The following SLC25A3 variants were observed in gnomAD, a reference collection of about 807,000 sequenced individuals.
SLC25A3 encodes solute carrier family 25 member 3.
Under a neutral mutation model 37.1 loss-of-function variants are expected in SLC25A3, and 14 were observed. The ratio of observed to expected loss-of-function variants is 0.38; its 90% confidence interval spans 0.25 to 0.59. The LOEUF (loss-of-function observed/expected upper bound fraction) is 0.59, where lower values mean the gene tolerates loss of function less well. Among genes scored for constraint, SLC25A3 ranks in the 20% least tolerant of loss-of-function variants. SLC25A3 has a pLI of 0.67. For missense variants in SLC25A3, 385 were observed against 458.1 expected (o/e 0.84, Z 1.46); for synonymous variants, 161 against 168.7 (o/e 0.95, Z 0.36).
chr12:98,595,594 A>G, intron 2 of SLC25A3, 133 bp from the exon 3 acceptor site: 5 of 1,613,660 alleles, frequency 3.1e-6, no homozygotes, highest in Non-Finnish European at 4.2e-6. Flanking sequence ...ATATTGAAGC[A>G]TGACTGACTG....
Position 98,593,725 on chromosome 12 carries a change from A to G in SLC25A3, c.-20A>G. Reference sequence around the variant, plus strand: ...ACCTTTCCAAGGGAGTGGTTGTGTGATCGCCATCTTAGGGAGTGAGTGTGG... The same window carrying G: ...ACCTTTCCAAGGGAGTGGTTGTGTGGTCGCCATCTTAGGGAGTGAGTGTGG... On this transcript the variant is annotated 5_prime_UTR_variant, in exon 1 of 8. Coordinates refer to ENST00000552981, the MANE Select transcript of SLC25A3 (RefSeq NM_002635.4). 1 of 578,216 alleles carries G rather than the reference A, an allele frequency of 1.7e-6. No individual in the cohort carries two copies. The highest frequency in any genetic ancestry group is 3.1e-6 in the Non-Finnish European group (1 of 322,894). The allele number at this position is 578,216 out of a possible 1,614,324, so 35.8% of individuals were successfully genotyped here. A position where few individuals can be genotyped will look rare whatever the true frequency, so the allele number is the denominator to read the frequency against.
rs1348961268 is a variant in SLC25A3, at chr12:98,602,930, G to A, written c.*1402G>A. 2 of 152,222 alleles carry A rather than the reference G, an allele frequency of 1.3e-5. No individual in the cohort carries two copies. The highest frequency in any genetic ancestry group is 2.9e-5 in the Non-Finnish European group (2 of 68,040). 9.4% of individuals were successfully genotyped at this position (152,222 alleles called of 1,614,324 possible). A position where few individuals can be genotyped will look rare whatever the true frequency, so the allele number is the denominator to read the frequency against. On this transcript the variant is annotated 3_prime_UTR_variant, in exon 8 of 8. Transcript: ENST00000552981. ...TGAACTCAATTTAGAAGCCAGTGCA[G>A]CTAGTTGCATGTTAACTTCTTTATA...
At chr12:98,593,784 G>C in intron 1 of SLC25A3, 44 bp downstream of exon 1, 1 of 628,952 alleles carries the variant, frequency 1.6e-6, no homozygotes, top group Non-Finnish European at 2.8e-6. Flanking sequence ...GTGGGGAGCG[G>C]AGCCCAGAGC....
chr12:98,598,777 TTTTG>T, intron 5 of SLC25A3, 74 bp downstream of exon 5: 83 of 1,405,298 alleles, frequency 5.9e-5, no homozygotes, highest in Admixed American at 1.2e-4. Flanking sequence ...TTGTTTTTTT[TTTTG>T]TTTTGTTTTT....
rs1343218397 is a variant in SLC25A3 at position 98,603,448 on chromosome 12, TC to T, written c.*1921del. ...CATGCTCTTGGTTACAACAGTGATG[TC>T]TCAGAAACCAAGTCCCAGATTGAGG... On this transcript the variant is annotated 3_prime_UTR_variant, in exon 8 of 8. Transcript: ENST00000552981. The T allele has an allele frequency of 6.6e-6, 1 of 152,092 alleles. No individual in the cohort carries two copies. The highest frequency in any genetic ancestry group is 1.5e-5 in the Non-Finnish European group (1 of 68,014). The allele number at this position is 152,092 out of a possible 1,614,324, so 9.4% of individuals were successfully genotyped here.
chr12:98,601,071 G>A, intron 6 of SLC25A3, 100 bp from the exon 7 acceptor site: 1 of 1,370,514 alleles, frequency 7.3e-7, no homozygotes, highest in Non-Finnish European at 1.0e-6. Context: ...TTTTATTTTA[G>A]AACTAGAAAA....
Position 98,601,875 on chromosome 12 carries a change from T to C in SLC25A3, c.*347T>C, listed in dbSNP as rs545489306. 1 of 246,664 alleles carries C rather than the reference T, an allele frequency of 4.1e-6. No homozygotes were observed. The highest frequency in any genetic ancestry group is 5.1e-5 in the Admixed American group (1 of 19,446). The allele number at this position is 246,664 out of a possible 1,614,324, so 15.3% of individuals were successfully genotyped here. On this transcript the variant is annotated 3_prime_UTR_variant, in exon 8 of 8. Transcript: ENST00000552981. ...AAATTGTCATATGTCTCAAGTTTTATCACACAAAGTTCCTGTATTTCTAGG... is the reference window on the plus strand; with the variant it reads ...AAATTGTCATATGTCTCAAGTTTTACCACACAAAGTTCCTGTATTTCTAGG...
At chr12:98,595,061 A>G (rs796324110) in intron 2 of SLC25A3, 1 of 268,650 alleles carries the variant, frequency 3.7e-6, no homozygotes, top group East Asian at 9.1e-5. Context: ...GCTGGGATAA[A>G]CTTTGAAGTT....
intron 2 of SLC25A3, chr12:98,594,472 C>T: frequency 1.5e-6 from 1 of 647,878 alleles, no homozygotes; most frequent in South Asian, 1.7e-5. Context: ...CCCGAAACTA[C>T]TGACCACCCA....
Position 98,595,736 on chromosome 12 carries a change from G to C in SLC25A3, c.167G>C (p.Cys56Ser). Reference protein sequence around the residue: ...LAAAAVEEYSCEFGSAKYYAL... With the variant: ...LAAAAVEEYSSEFGSAKYYAL... ...TCTTCTCTTACTACAGAGTACAGTT[G>C]TGAATTTGGCTCCGCGAAGTATTAT... Residue 56 changes from cysteine to serine, a missense_variant, in exon 3 of 8, where the codon TGT becomes TCT. Around this residue, in one of 2 missense-constraint regions of SLC25A3, gnomAD observed 109 missense variants for 90.5 expected, o/e 1.20. Coordinates refer to ENST00000552981, the MANE Select transcript of SLC25A3 (RefSeq NM_002635.4). The C allele has an allele frequency of 6.2e-7, 1 of 1,614,166 alleles. No individual in the cohort carries two copies. Among genetic ancestry groups the C allele is most frequent in the Non-Finnish European group, 8.5e-7 (1 of 1,179,998 alleles).
chr12:98,594,659 A>G (rs1402247002), intron 2 of SLC25A3: 4 of 394,150 alleles, frequency 1.0e-5, no homozygotes, highest in Non-Finnish European at 1.9e-5. Flanking sequence ...GCAGCCCTAC[A>G]TAGGCAATAG....
In SLC25A3 at chr12:98,603,054, G is replaced by A. The variant is rs886216822; in HGVS notation, c.*1526G>A. On this transcript the variant is annotated 3_prime_UTR_variant, in exon 8 of 8. Transcript: ENST00000552981. ...ACAAATTTGGACCAAACTTTAAAAA[G>A]GTAAAGTAGGATGTCTTCTGAACCC... 6.6e-6 allele frequency: 1 copy of A among 152,198 alleles called. No individual in the cohort carries two copies. The highest frequency in any genetic ancestry group is 2.4e-5 in the African/African-American group (1 of 41,454). The allele number at this position is 152,198 out of a possible 1,614,324, so 9.4% of individuals were successfully genotyped here.
At position 98,594,121 on chromosome 12, in the gene SLC25A3, C is replaced by G. The variant is rs1257004760; in HGVS notation, c.143C>G (p.Ala48Gly). 1 of 1,610,424 alleles carries G rather than the reference C, an allele frequency of 6.2e-7. No homozygotes were observed. Among genetic ancestry groups the G allele is most frequent in the Non-Finnish European group, 8.5e-7 (1 of 1,178,536 alleles). Residue 48 changes from alanine (A) to glycine (G), a missense_variant, in exon 2 of 8, where the codon GCC becomes GGC. Transcript: ENST00000552981. ...CCCCGCCGCCCTCGCAACCTGGCAG[C>G]CGCCGCCGTGGAAGGTGAGATCAGA... ...GQPRRPRNLA[A>G]AAVEEYSCEF...
rs1239442816 is a variant in SLC25A3 at position 98,595,803 on chromosome 12, A to G, written c.234A>G (p.Thr78=). 2 of 1,614,232 alleles carry G rather than the reference A, an allele frequency of 1.2e-6. No individual in the cohort carries two copies. Among genetic ancestry groups the G allele is most frequent in the Admixed American group, 1.7e-5 (1 of 60,026 alleles). Residue 78 remains threonine (T), a synonymous_variant, in exon 3 of 8, where the codon ACA becomes ACG. Transcript: ENST00000552981. ...GFGGVLSCGL[T]HTAVVPLDLV... ...GTGGGGTCTTAAGTTGTGGTCTGAC[A>G]CACACTGCTGTGGTTCCCCTGGATT... is the stretch of plus-strand genomic sequence containing the variant.
At chr12:98,595,175 A>G (rs1354736049) in intron 2 of SLC25A3, 4 of 483,422 alleles carry the variant, frequency 8.3e-6, no homozygotes, top group Non-Finnish European at 1.5e-5. Context: ...CTTTAATTGT[A>G]AAAGCCGTTA....
At chr12:98,600,269 G>T in intron 6 of SLC25A3, 142 bp downstream of exon 6, 2 of 677,384 alleles carry the variant, frequency 3.0e-6, no homozygotes, top group East Asian at 2.8e-5. Context: ...GCATAGTCTC[G>T]CTCTGTTGCC....
intron 3 of SLC25A3, chr12:98,597,605 G>C: frequency 4.6e-6 from 2 of 432,404 alleles, no homozygotes; most frequent in Admixed American, 7.3e-5. Flanking sequence ...TTGTATTTTA[G>C]TAGAGATGGG....
Position 98,601,453 on chromosome 12 carries a change from C to T in SLC25A3, c.1011C>T (p.Val337=). The T allele has an allele frequency of 1.9e-6, 3 of 1,614,010 alleles. No individual in the cohort carries two copies. Among genetic ancestry groups the T allele is most frequent in the Non-Finnish European group, 2.5e-6 (3 of 1,179,894 alleles). ...GGTTTATCTATGACTCCGTGAAGGT[C>T]TACTTCAGACTTCCTCGCCCTCCTC... is the stretch of plus-strand genomic sequence containing the variant. The part of the protein sequence containing the change: ...LQWFIYDSVK[V]YFRLPRPPPP... The change falls in exon 8 of 8, where the codon GTC becomes GTT. Residue 337 remains valine, a synonymous_variant. Coordinates refer to ENST00000552981, the MANE Select transcript of SLC25A3 (RefSeq NM_002635.4).
chr12:98,604,150 G>A lies in SLC25A3; in HGVS notation c.*2622G>A, dbSNP rs1384567359. ...GCCTGTAATCCCAGCTACTCAGGAG[G>A]CTGAGGCAGGAGAATCGCTTGAACC... On this transcript the variant is annotated 3_prime_UTR_variant, in exon 8 of 8. Coordinates refer to ENST00000552981, the MANE Select transcript of SLC25A3 (RefSeq NM_002635.4). 6.6e-6 allele frequency: 1 copy of A among 151,722 alleles called. No individual in the cohort carries two copies. The highest frequency in any genetic ancestry group is 2.4e-5 in the African/African-American group (1 of 41,264). The allele number at this position is 151,722 out of a possible 1,614,324, so 9.4% of individuals were successfully genotyped here. A position where few individuals can be genotyped will look rare whatever the true frequency, so the allele number is the denominator to read the frequency against.
Sources: gnomAD v4.1 joint callset for allele counts on GRCh38, gnomAD v4.1.1 for gene constraint, gnomAD v4.1.1 regional missense constraint, MANE v1.5 for transcripts, NCBI Gene and HGNC (gene_info 2026-07-23, HGNC 2026-07-21) for gene names.